FRMPD4: variants seen among roughly 807,000 people sequenced by gnomAD.
The protein encoded by FRMPD4 is FERM and PDZ domain containing 4, also known as FERM and PDZ domain-containing protein 4.
Under a neutral mutation model 94.1 loss-of-function variants are expected in FRMPD4, and 22 were observed. The ratio of observed to expected loss-of-function variants is 0.23; its 90% CI spans 0.17 to 0.33. The LOEUF is 0.33. Ranked by LOEUF, FRMPD4 falls within the 10% of genes least tolerant of loss-of-function variation. The pLI, the probability that FRMPD4 is intolerant of heterozygous loss-of-function variation, is 1.00. For missense variants in FRMPD4, 1,111 were observed against 1,339.9 expected, an observed-to-expected ratio of 0.83 and a Z score of 2.67; for synonymous variants, 631 against 548.6, an observed-to-expected ratio of 1.15 and a Z score of -2.10.
chrX:12,715,995 C>A (rs1159194003), intron 14 of FRMPD4, 74 bp from the exon 15 acceptor site: 3 of 413,487 alleles, frequency 7.3e-6, no homozygotes, highest in East Asian at 3.9e-5. Context: ...AAAACAGAGA[C>A]GAGCCTCCCA....
At chrX:12,403,865 C>T (rs1172462453) in intron 1 of FRMPD4, among the ~76,000 whole-genome samples, 1 of 111,465 alleles carries the variant, frequency 9.0e-6, no homozygotes, top group Non-Finnish European at 1.9e-5. Flanking sequence ...GACTTTGGCC[C>T]ATTCTTGGCT....
In FRMPD4 at chrX:12,291,181, C is replaced by G. The variant is rs1481800243; in HGVS notation, c.41+152169C>G. Among the ~76,000 whole-genome samples the G allele has an allele frequency of 7.1e-5, 8 of 112,370 alleles. No individual in the cohort carries two copies. In the Admixed American group the frequency reaches 7.5e-4, roughly 11 times the overall value. ...TGGTTTTCCTAGGAAGCTTCCCTGTCAAGTCCAAAGGCCAGTTTTTGATCT... is the reference window on the plus strand; with the variant it reads ...TGGTTTTCCTAGGAAGCTTCCCTGTGAAGTCCAAAGGCCAGTTTTTGATCT... On this transcript the variant is annotated intron_variant, in intron 1 of 16. Transcript: ENST00000675598.
chrX:12,708,489 A>G (rs1046013006), intron 13 of FRMPD4, among the ~76,000 whole-genome samples: 1 of 109,068 alleles, frequency 9.2e-6, no homozygotes, highest in Non-Finnish European at 1.9e-5. Context: ...AAAAAACACA[A>G]AAATCTGAGA....
chrX:11,827,976 C>T (rs779569084), intron 1 of FRMPD4, among the ~76,000 whole-genome samples: 1 of 111,442 alleles, frequency 9.0e-6, no homozygotes, highest in South Asian at 3.8e-4. Flanking sequence ...TGGGTATGAC[C>T]CTAATCTTCC....
In FRMPD4 at chrX:12,156,799, A is replaced by G. The variant is rs182359363; in HGVS notation, c.41+17787A>G. Reference sequence around the variant, plus strand: ...CTTTGTTGTTCGGGTATCATGTTGAAATCATGCATTTACAATCATGCATTT... The same window carrying G: ...CTTTGTTGTTCGGGTATCATGTTGAGATCATGCATTTACAATCATGCATTT... On this transcript the variant is annotated intron_variant, in intron 1 of 16. Coordinates refer to ENST00000675598, the MANE Select transcript of FRMPD4 (RefSeq NM_001368397.1). Among the ~76,000 whole-genome samples, 8 of 112,197 alleles carry G rather than the reference A, an allele frequency of 7.1e-5. No individual in the cohort carries two copies. The East Asian group carries it at 2.0e-3, about 27-fold the overall frequency.
intron 4 of FRMPD4, among the ~76,000 whole-genome samples, chrX:12,667,154 A>T (rs918102596): frequency 8.9e-6 from 1 of 112,417 alleles, no homozygotes; most frequent in Non-Finnish European, 1.9e-5. Flanking sequence ...ATGCTTTCAT[A>T]TGTAATCCTA....
chrX:12,503,309 C>T, intron 2 of FRMPD4, among the ~76,000 whole-genome samples: 1 of 111,555 alleles, frequency 9.0e-6, no homozygotes, highest in Non-Finnish European at 1.9e-5. Flanking sequence ...CTGCTGGCTT[C>T]CTGGCCACCT....
chrX:12,707,785 C>T (rs950465325), intron 13 of FRMPD4, 134 bp downstream of exon 13: 5 of 496,552 alleles, frequency 1.0e-5, no homozygotes, highest in African/African-American at 9.6e-5. Flanking sequence ...AGAAAATAAT[C>T]CACCAACTCA....
intron 3 of FRMPD4, among the ~76,000 whole-genome samples, chrX:11,946,554 T>A (rs2054190330): frequency 8.9e-6 from 1 of 111,810 alleles, no homozygotes; most frequent in Non-Finnish European, 1.9e-5. Flanking sequence ...GTGCTTGCTC[T>A]GTGTGATGGT....
intron 2 of FRMPD4, among the ~76,000 whole-genome samples, chrX:12,533,269 G>A (rs1237153700): frequency 8.9e-6 from 1 of 112,283 alleles, no homozygotes; most frequent in Admixed American, 9.5e-5. Context: ...AGCTTCCAGC[G>A]TGATCATGAG....
chrX:12,081,344 A>G (rs2147483700), intron 3 of FRMPD4, among the ~76,000 whole-genome samples: 1 of 111,854 alleles, frequency 8.9e-6, no homozygotes, highest in South Asian at 3.7e-4. Context: ...GGCTGCCAAT[A>G]TATTTACTTA....
intron 4 of FRMPD4, among the ~76,000 whole-genome samples, chrX:12,664,616 T>C (rs1014336072): frequency 2.7e-5 from 3 of 112,115 alleles, no homozygotes; most frequent in Admixed American, 9.5e-5. Flanking sequence ...AGTATTTTAT[T>C]GAGGATTTTC....
intron 1 of FRMPD4, among the ~76,000 whole-genome samples, chrX:12,169,026 G>A (rs759218681): frequency 1.8e-5 from 2 of 111,939 alleles, no homozygotes; most frequent in Non-Finnish European, 3.8e-5. Flanking sequence ...TATAATTCAC[G>A]ATGAGGCTTG....
At chrX:12,391,963 A>G (rs1382504392) in intron 1 of FRMPD4, among the ~76,000 whole-genome samples, 1 of 111,712 alleles carries the variant, frequency 9.0e-6, no homozygotes, top group African/African-American at 3.3e-5. Flanking sequence ...CTGTGCTAAT[A>G]GCTACCTGTA....
At chrX:12,465,005 T>C (rs1012831859) in intron 1 of FRMPD4, among the ~76,000 whole-genome samples, 21 of 112,395 alleles carry the variant, frequency 1.9e-4, no homozygotes, top group African/African-American at 6.1e-4. Context: ...TTAAGACCAA[T>C]GATTTGTTTA....
At chrX:12,608,994 C>T (rs1008927795) in intron 2 of FRMPD4, among the ~76,000 whole-genome samples, 2 of 112,462 alleles carry the variant, frequency 1.8e-5, no homozygotes, top group Non-Finnish European at 3.7e-5. Context: ...GACCAGAAGT[C>T]TTACCAATAA....
chrX:12,111,936 T>C (rs2055366233), intron 3 of FRMPD4, among the ~76,000 whole-genome samples: 1 of 111,250 alleles, frequency 9.0e-6, no homozygotes. Flanking sequence ...GGAGAGGATG[T>C]GGAGAAATAG....
At chrX:11,971,724 T>C (rs987316072) in intron 3 of FRMPD4, among the ~76,000 whole-genome samples, 2 of 112,232 alleles carry the variant, frequency 1.8e-5, no homozygotes, top group African/African-American at 6.5e-5. Flanking sequence ...AATTTTTGAC[T>C]GGTCTGGGCC....
chrX:12,102,227 AG>A (rs1486298640), intron 3 of FRMPD4, among the ~76,000 whole-genome samples: 2 of 111,719 alleles, frequency 1.8e-5, no homozygotes. Flanking sequence ...CTTTTTCCTT[AG>A]CATGTGAACA....
Sources: allele counts gnomAD v4.1 joint callset (sites outside exome capture counted in the v4.1 genomes callset), GRCh38; gene constraint gnomAD v4.1.1; transcripts MANE v1.5; gene names NCBI Gene and HGNC (gene_info 2026-07-23, HGNC 2026-07-21).